The following MBOAT2 variants were observed in gnomAD, a reference collection of about 807,000 sequenced individuals.
MBOAT2 encodes membrane bound glycerophospholipid O-acyltransferase 2, also known as membrane-bound glycerophospholipid O-acyltransferase 2.
MBOAT2 carries 28 observed loss-of-function variants against 63.4 expected under a neutral mutation model. The observed-to-expected ratio is 0.44, with a 90% CI of 0.33 to 0.61. MBOAT2 has a LOEUF of 0.61. MBOAT2 is among the 20% of genes least tolerant of loss of function. The pLI is 0.03. For missense variants in MBOAT2, 470 were observed against 605.8 expected, an observed-to-expected ratio of 0.78 and a Z score of 2.35; for synonymous variants, 211 against 215.6, an observed-to-expected ratio of 0.98 and a Z score of 0.19.
chr2:8,890,546 G>T (rs1185330541), intron 4 of MBOAT2, among the ~76,000 whole-genome samples: 1 of 152,104 alleles, frequency 6.6e-6, no homozygotes, highest in Non-Finnish European at 1.5e-5. Context: ...TTTCATCAGG[G>T]TCTCGCTCTG....
intron 3 of MBOAT2, among the ~76,000 whole-genome samples, chr2:8,928,042 C>A (rs1219307753): frequency 6.6e-6 from 1 of 152,038 alleles, no homozygotes; most frequent in Non-Finnish European, 1.5e-5. Context: ...AGTAAGAAAG[C>A]GGTGGGAGGT....
At chr2:8,903,680 G>A (rs1046801026) in intron 4 of MBOAT2, among the ~76,000 whole-genome samples, 10 of 152,028 alleles carry the variant, frequency 6.6e-5, no homozygotes, top group South Asian at 2.1e-4. Context: ...CTTTCCCCAC[G>A]GATTTCTGAT....
Position 8,855,530 on chromosome 2 carries a change from G to A in MBOAT2, c.*3149C>T, listed in dbSNP as rs1286376082. 1 of 152,188 alleles carries A rather than the reference G, an allele frequency of 6.6e-6. No homozygotes were observed. Among genetic ancestry groups the A allele is most frequent in the African/African-American group, 2.4e-5 (1 of 41,432 alleles). 9.4% of individuals were successfully genotyped at this position (152,188 alleles called of 1,614,324 possible). ...GGAGACCAATAAATATATTTTTGAA[G>A]CAAATGGGCAGTAGTGGCTAATAAG... On this transcript the variant is annotated 3_prime_UTR_variant, in exon 13 of 13. Transcript: ENST00000305997.
chr2:8,965,730 G>A (rs1347133117), intron 1 of MBOAT2, among the ~76,000 whole-genome samples: 1 of 151,952 alleles, frequency 6.6e-6, no homozygotes, highest in Non-Finnish European at 1.5e-5. Context: ...ATATGTAATT[G>A]AGCAATCTTC....
At chr2:8,935,446 T>C (rs1193659835) in intron 3 of MBOAT2, among the ~76,000 whole-genome samples, 1 of 152,204 alleles carries the variant, frequency 6.6e-6, no homozygotes, top group East Asian at 1.9e-4. Flanking sequence ...GTTCACACTC[T>C]GGGGAGAAGA....
chr2:8,859,450 T>C (rs1307400169), intron 12 of MBOAT2, among the ~76,000 whole-genome samples: 1 of 152,198 alleles, frequency 6.6e-6, no homozygotes, highest in Non-Finnish European at 1.5e-5. Context: ...TCAAATTATA[T>C]AAACCAAATG....
chr2:8,919,157 C>T (rs1464884880), intron 3 of MBOAT2, among the ~76,000 whole-genome samples: 7 of 152,140 alleles, frequency 4.6e-5, no homozygotes, highest in South Asian at 4.1e-4. Context: ...TTTCACCAGC[C>T]GGTGAATATT....
At chr2:8,874,950 T>G (rs897007342) in intron 7 of MBOAT2, among the ~76,000 whole-genome samples, 3 of 152,212 alleles carry the variant, frequency 2.0e-5, no homozygotes. Flanking sequence ...TCTCTAACAC[T>G]TTGGGGCCCC....
intron 1 of MBOAT2, among the ~76,000 whole-genome samples, chr2:8,995,352 T>C (rs1219763491): frequency 6.6e-6 from 1 of 152,210 alleles, no homozygotes; most frequent in Non-Finnish European, 1.5e-5. Context: ...CAACATTTTC[T>C]ACATATGAGA....
intron 2 of MBOAT2, among the ~76,000 whole-genome samples, chr2:8,955,355 G>T (rs1329140111): frequency 6.6e-6 from 1 of 152,142 alleles, no homozygotes; most frequent in Non-Finnish European, 1.5e-5. Flanking sequence ...AGACTGGGTT[G>T]CTCAGATCCC....
chr2:8,897,657 G>T (rs1664584564), intron 4 of MBOAT2, among the ~76,000 whole-genome samples: 1 of 152,136 alleles, frequency 6.6e-6, no homozygotes, highest in Admixed American at 6.5e-5. Flanking sequence ...GGCATAACCT[G>T]CCCTTCATAT....
intron 4 of MBOAT2, among the ~76,000 whole-genome samples, chr2:8,901,743 T>G (rs1664942399): frequency 6.6e-6 from 1 of 152,346 alleles, no homozygotes; most frequent in African/African-American, 2.4e-5. Context: ...GCAAAAATTA[T>G]GTCTTTCTGA....
intron 3 of MBOAT2, among the ~76,000 whole-genome samples, chr2:8,929,931 C>A (rs866252576): frequency 6.6e-6 from 1 of 152,076 alleles, no homozygotes; most frequent in African/African-American, 2.4e-5. Context: ...GTTTTCTTCC[C>A]CAAGAAAGCT....
At chr2:8,940,330 T>C (rs1340917603) in intron 3 of MBOAT2, among the ~76,000 whole-genome samples, 1 of 152,140 alleles carries the variant, frequency 6.6e-6, no homozygotes, top group African/African-American at 2.4e-5. Context: ...CTCGCTCTGT[T>C]GCACAGGCTG....
chr2:8,877,268 G>A, intron 6 of MBOAT2, 55 bp from the exon 7 acceptor site: 1 of 1,511,690 alleles, frequency 6.6e-7, no homozygotes, highest in Non-Finnish European at 9.0e-7. Context: ...CAGAACATCT[G>A]ATAGAATAAC....
chr2:8,973,669 T>C (rs1670618651), intron 1 of MBOAT2, among the ~76,000 whole-genome samples: 1 of 151,456 alleles, frequency 6.6e-6, no homozygotes, highest in Non-Finnish European at 1.5e-5. Flanking sequence ...AGGCAGAGCA[T>C]AGGCACAGTC....
At chr2:8,946,069 T>A (rs879771812) in intron 2 of MBOAT2, among the ~76,000 whole-genome samples, 2 of 152,190 alleles carry the variant, frequency 1.3e-5, no homozygotes, top group African/African-American at 2.4e-5. Context: ...AAATTTCCAA[T>A]CTGCATCACT....
At chr2:8,909,619 T>C (rs550880396) in intron 3 of MBOAT2, among the ~76,000 whole-genome samples, 4 of 152,356 alleles carry the variant, frequency 2.6e-5, no homozygotes, top group South Asian at 4.1e-4. Flanking sequence ...CTTTGTCATG[T>C]AGGCAGTTCA....
Position 8,908,533 on chromosome 2 carries a change from T to G in MBOAT2, c.395+88A>C. On this transcript the variant is annotated intron_variant, in intron 4 of 12. Transcript: ENST00000305997. ...AAATGTTTAATAATAGCTTTTCACT[T>G]GAACTACTAAATGCAAATATATTTT... 4.3e-6 allele frequency: 3 copies of G among 690,508 alleles called. No individual in the cohort carries two copies. In the South Asian group the frequency reaches 6.1e-5, roughly 14 times the overall value. 42.8% of individuals were successfully genotyped at this position (690,508 alleles called of 1,614,324 possible). A position where few individuals can be genotyped will look rare whatever the true frequency, so the allele number is the denominator to read the frequency against.
Sources: allele counts gnomAD v4.1 joint callset (sites outside exome capture counted in the v4.1 genomes callset), GRCh38; gene constraint gnomAD v4.1.1; transcripts MANE v1.5; gene names NCBI Gene and HGNC (gene_info 2026-07-23, HGNC 2026-07-21).